VNN1: variants seen among roughly 807,000 people sequenced by gnomAD.
VNN1 encodes the protein vanin 1.
Under a neutral mutation model 41.9 loss-of-function variants are expected in VNN1, and 29 were observed. The observed-to-expected ratio is 0.69, with a 90% CI of 0.52 to 0.94. The LOEUF (loss-of-function observed/expected upper bound fraction) is 0.94, where lower values mean the gene tolerates loss of function less well. Among genes scored for constraint, VNN1 ranks in the 40% least tolerant of loss-of-function variants. VNN1 has a pLI of 0.00. For missense variants in VNN1, 637 were observed against 621.1 expected, an observed-to-expected ratio of 1.03 and a Z score of -0.27; for synonymous variants, 233 against 224.4, an observed-to-expected ratio of 1.04 and a Z score of -0.34.
chr6:132,710,207 G>A (rs1378624712), intron 2 of VNN1, among the ~76,000 whole-genome samples: 12 of 151,792 alleles, frequency 7.9e-5, no homozygotes, highest in Non-Finnish European at 1.6e-4. Context: ...CCACCACCAC[G>A]CCCCACTAAT....
At chr6:132,696,890 G>T (rs901088087) in intron 2 of VNN1, among the ~76,000 whole-genome samples, 10 of 152,048 alleles carry the variant, frequency 6.6e-5, no homozygotes, top group African/African-American at 2.4e-4. Flanking sequence ...GAACACCTGA[G>T]GTCAGGAGAT....
intron 2 of VNN1, among the ~76,000 whole-genome samples, chr6:132,705,109 A>C (rs985894721): frequency 1.2e-4 from 18 of 152,128 alleles, no homozygotes; most frequent in Admixed American, 1.3e-4. Context: ...CAATTAAAGA[A>C]CTAATACAAA....
At chr6:132,705,627 T>C (rs1340052794) in intron 2 of VNN1, among the ~76,000 whole-genome samples, 4 of 152,164 alleles carry the variant, frequency 2.6e-5, no homozygotes, top group Admixed American at 2.0e-4. Context: ...GAATGTCCAT[T>C]TTCACCACTA....
chr6:132,712,587 TA>T, intron 1 of VNN1, among the ~76,000 whole-genome samples: 1 of 152,300 alleles, frequency 6.6e-6, no homozygotes, highest in East Asian at 1.9e-4. Context: ...GACTGATTAA[TA>T]ACTTAAATAT....
chr6:132,693,370 C>A, intron 3 of VNN1, 55 bp from the exon 4 acceptor site: 2 of 1,489,366 alleles, frequency 1.3e-6, no homozygotes, highest in African/African-American at 1.4e-5. Context: ...TTGATCTGGA[C>A]ATCACAGTGT....
chr6:132,684,140 G>A (rs746509783), intron 6 of VNN1, among the ~76,000 whole-genome samples, 195 bp downstream of exon 6: 17 of 152,004 alleles, frequency 1.1e-4, no homozygotes, highest in Non-Finnish European at 2.2e-4. Flanking sequence ...TTATTCTGAA[G>A]GACACAGTAA....
intron 5 of VNN1, among the ~76,000 whole-genome samples, chr6:132,689,494 G>C (rs558841859): frequency 1.0e-3 from 154 of 152,210 alleles, no homozygotes; most frequent in African/African-American, 3.6e-3. Flanking sequence ...GCTAATAATG[G>C]TCAACGTATT....
At chr6:132,691,484 T>G (rs1778283211) in intron 5 of VNN1, among the ~76,000 whole-genome samples, 2 of 152,028 alleles carry the variant, frequency 1.3e-5, no homozygotes, top group Non-Finnish European at 2.9e-5. Flanking sequence ...ATATCCAGGA[T>G]ATACTTAGTG....
chr6:132,710,474 C>A (rs555867758), intron 2 of VNN1, among the ~76,000 whole-genome samples: 2 of 152,062 alleles, frequency 1.3e-5, no homozygotes, highest in Non-Finnish European at 2.9e-5. Context: ...CTGCACCCAC[C>A]AACCCATCAT....
chr6:132,696,646 A>C (rs1337859684), intron 2 of VNN1, among the ~76,000 whole-genome samples: 2 of 149,832 alleles, frequency 1.3e-5, no homozygotes, highest in African/African-American at 2.5e-5. Flanking sequence ...ACCACAAAGC[A>C]TTGAGCTGAT....
rs1778318057 is a variant in VNN1 at position 132,693,249 on chromosome 6, TATTGAA to T, written c.595_600del (p.Phe199_Asn200del). ...AAAATGCCAAAACTTCCAAAGGTGG[TATTGAA>T]AGTCACAATCTCAGGCTCCTTGGGT... On this transcript the variant is annotated inframe_deletion, in exon 4 of 7. Coordinates refer to ENST00000367928, the MANE Select transcript of VNN1 (RefSeq NM_004666.3). 2.5e-6 allele frequency: 4 copies of T among 1,614,082 alleles called. No individual in the cohort carries two copies. The East Asian group carries it at 8.9e-5, about 36-fold the overall frequency.
chr6:132,693,024 C>G lies in VNN1; in HGVS notation c.826G>C (p.Gly276Arg). The G allele has an allele frequency of 6.2e-7, 1 of 1,600,850 alleles. No homozygotes were observed. Among genetic ancestry groups the G allele is most frequent in the African/African-American group, 1.3e-5 (1 of 74,614 alleles). ...GCATATCTTTAAGATCACACATTACCTGTCATTTTCTTTGAGGGGTAATGT... is the reference window on the plus strand; with the variant it reads ...GCATATCTTTAAGATCACACATTACGTGTCATTTTCTTTGAGGGGTAATGT... ...NIHYPSKKMT[G>R]SGIYAPNSSR... The change falls in exon 4 of 7, where the codon GGA becomes CGA. Residue 276 changes from glycine to arginine, a missense_variant and splice_region_variant. Gly to Arg is a moderately radical substitution (Grantham distance 125, BLOSUM62 -2). Coordinates refer to ENST00000367928, the MANE Select transcript of VNN1 (RefSeq NM_004666.3).
intron 4 of VNN1, 112 bp downstream of exon 4, chr6:132,692,912 A>C: frequency 8.1e-7 from 1 of 1,239,928 alleles, no homozygotes; most frequent in Non-Finnish European, 1.1e-6. Context: ...TTCAAAAATT[A>C]AGAGCTGGAA....
intron 5 of VNN1, among the ~76,000 whole-genome samples, chr6:132,690,283 C>A (rs755696851): frequency 6.6e-5 from 10 of 152,178 alleles, no homozygotes; most frequent in Non-Finnish European, 1.3e-4. Context: ...TAGGTAAGAT[C>A]CTGCAGGACA....
intron 5 of VNN1, among the ~76,000 whole-genome samples, chr6:132,686,304 T>G (rs909704190): frequency 6.6e-6 from 1 of 152,028 alleles, no homozygotes; most frequent in Non-Finnish European, 1.5e-5. Context: ...AAAAATTAGC[T>G]GGGAGTGGTG....
intron 1 of VNN1, 36 bp from the exon 2 acceptor site, chr6:132,711,875 G>A: frequency 6.2e-7 from 1 of 1,609,348 alleles, no homozygotes. Flanking sequence ...AGGGGGGCCT[G>A]CAAGAGGAGC....
chr6:132,692,962 G>GTTTTTTTTTTTTTTTTTTTTTTTTTT, intron 4 of VNN1, 62 bp downstream of exon 4: 1 of 1,363,582 alleles, frequency 7.3e-7, no homozygotes, highest in Non-Finnish European at 9.8e-7. Flanking sequence ...AGAAAAACAT[G>GTTTTTTTTTTTTTTTTTTTTTTTTTT]TTTTTTTTTT....
Position 132,692,324 on chromosome 6 carries a change from AG to A in VNN1, c.1086del (p.Cys363ValfsTer3). The A allele has an allele frequency of 1.2e-6, 2 of 1,614,234 alleles. No homozygotes were observed. The highest frequency in any genetic ancestry group is 1.7e-6 in the Non-Finnish European group (2 of 1,180,032). On this transcript the variant is annotated frameshift_variant, in exon 5 of 7. Transcript: ENST00000367928. LOFTEE classifies it high-confidence loss of function. ...GNYTVCQKDL[C>X]CHLSYKMSEN... ...TCAGACATTTTGTAGCTTAAATGAC[AG>A]CAGAGATCTTTCTGACAAACTGTAT...
At chr6:132,712,016 C>T (rs1778607821) in intron 1 of VNN1, among the ~76,000 whole-genome samples, 177 bp from the exon 2 acceptor site, 1 of 151,686 alleles carries the variant, frequency 6.6e-6, no homozygotes, top group Non-Finnish European at 1.5e-5. Flanking sequence ...TTTCAGTGCA[C>T]TGTCACTTCT....
Sources: gnomAD v4.1 joint callset for allele counts (sites outside exome capture counted in the v4.1 genomes callset) on GRCh38, gnomAD v4.1.1 for gene constraint, MANE v1.5 for transcripts, NCBI Gene and HGNC (gene_info 2026-07-23, HGNC 2026-07-21) for gene names.